Variants in ERCC6L2 observed in about 807,000 individuals in gnomAD.
ERCC6L2 encodes the protein ERCC excision repair 6 like 2, also known as DNA excision repair protein ERCC-6-like 2.
Under a neutral mutation model 132.0 loss-of-function variants are expected in ERCC6L2, and 77 were observed. The ratio of observed to expected loss-of-function variants is 0.58; its 90% CI spans 0.49 to 0.71. The LOEUF (loss-of-function observed/expected upper bound fraction) is 0.71. ERCC6L2 is among the 30% of genes least tolerant of loss of function. ERCC6L2 has a pLI of 0.00. For synonymous variants in ERCC6L2, 583 were observed against 632.4 expected, an observed-to-expected ratio of 0.92 and a Z score of 1.17; for missense variants, 1,542 against 1,837.6, an observed-to-expected ratio of 0.84 and a Z score of 2.94.
intron 4 of ERCC6L2, among the ~76,000 whole-genome samples, chr9:95,909,986 A>C (rs1292991662): frequency 3.3e-5 from 5 of 152,200 alleles, no homozygotes; most frequent in Non-Finnish European, 7.3e-5. Flanking sequence ...GATGTGTAGT[A>C]GTATCTTGTA....
At chr9:95,914,249 T>G (rs995979715) in intron 4 of ERCC6L2, among the ~76,000 whole-genome samples, 4 of 152,246 alleles carry the variant, frequency 2.6e-5, no homozygotes, top group Non-Finnish European at 5.9e-5. Flanking sequence ...ATGCTGAGAA[T>G]TTTTTAATGT....
At chr9:95,890,480 T>C (rs931134195) in intron 2 of ERCC6L2, among the ~76,000 whole-genome samples, 5 of 152,226 alleles carry the variant, frequency 3.3e-5, no homozygotes, top group Admixed American at 2.6e-4. Context: ...TGATAAGTCC[T>C]GCAAATTGAC....
intron 17 of ERCC6L2, among the ~76,000 whole-genome samples, chr9:95,980,706 G>A (rs1410535189): frequency 6.6e-6 from 1 of 152,078 alleles, no homozygotes; most frequent in Non-Finnish European, 1.5e-5. Flanking sequence ...GCAGTGGGTG[G>A]CAATAGTGAA....
At chr9:95,921,417 C>T (rs1426675732) in intron 7 of ERCC6L2, 102 bp downstream of exon 7, 5 of 907,062 alleles carry the variant, frequency 5.5e-6, no homozygotes, top group Non-Finnish European at 7.8e-6. Context: ...TTTCCTCAGA[C>T]AGTTCTTTAA....
Position 95,897,983 on chromosome 9 carries a change from A to G in ERCC6L2, c.594+12A>G, listed in dbSNP as rs756164459. On this transcript the variant is annotated intron_variant, in intron 3 of 18. Transcript: ENST00000653738. ...CTACAGCAAAAAAGGTAAAATCTCT[A>G]GACAATGTATATTCTACTCATGATG... 11 of 1,600,066 alleles carry G rather than the reference A, an allele frequency of 6.9e-6. No individual in the cohort carries two copies. Among genetic ancestry groups the G allele is most frequent in the Non-Finnish European group, 8.5e-6 (10 of 1,174,256 alleles).
At chr9:95,948,587 A>C (rs998890922) in intron 12 of ERCC6L2, among the ~76,000 whole-genome samples, 31 of 152,162 alleles carry the variant, frequency 2.0e-4, no homozygotes, top group Admixed American at 1.8e-3. Flanking sequence ...TGGAGGCTGC[A>C]GTTAGCCAAG....
intron 17 of ERCC6L2, among the ~76,000 whole-genome samples, chr9:95,998,340 T>C (rs1016891067): frequency 6.6e-6 from 1 of 152,194 alleles, no homozygotes; most frequent in Non-Finnish European, 1.5e-5. Context: ...TTAACTCATT[T>C]CTGGAACCTA....
chr9:96,020,935 C>A (rs748305235), downstream of ERCC6L2: 16 of 456,758 alleles, frequency 3.5e-5, no homozygotes, highest in African/African-American at 3.0e-4. Context: ...CCCTCCAAGA[C>A]GCGCGGGCCG....
intron 6 of ERCC6L2, chr9:95,918,559 C>T: frequency 2.3e-6 from 1 of 426,472 alleles, no homozygotes; most frequent in Non-Finnish European, 4.7e-6. Context: ...TACAGCTACT[C>T]TGAGAATTGT....
At chr9:95,923,128 G>A (rs1490519827) in intron 8 of ERCC6L2, 132 bp from the exon 9 acceptor site, 1 of 1,060,830 alleles carries the variant, frequency 9.4e-7, no homozygotes, top group African/African-American at 1.6e-5. Context: ...TTCTTAGTCT[G>A]ACTTAGGGAA....
intron 18 of ERCC6L2, among the ~76,000 whole-genome samples, chr9:96,005,656 A>C (rs1833840600): frequency 6.6e-6 from 1 of 151,828 alleles, no homozygotes; most frequent in African/African-American, 2.4e-5. Context: ...GAGTAGCATG[A>C]GATGGAGGGT....
chr9:95,977,557 C>G (rs1342537482), intron 16 of ERCC6L2, among the ~76,000 whole-genome samples: 1 of 152,128 alleles, frequency 6.6e-6, no homozygotes, highest in African/African-American at 2.4e-5. Context: ...AAGCTCTCAT[C>G]TTGACATTCT....
At chr9:95,994,410 C>T (rs895229991) in intron 17 of ERCC6L2, among the ~76,000 whole-genome samples, 1 of 152,202 alleles carries the variant, frequency 6.6e-6, no homozygotes, top group African/African-American at 2.4e-5. Context: ...ACTGACTTAT[C>T]AGGCCTAATC....
intron 19 of ERCC6L2, chr9:96,038,796 C>T (rs560152820): frequency 1.3e-5 from 6 of 452,052 alleles, no homozygotes; most frequent in East Asian, 7.0e-5. Flanking sequence ...CCCCTCATAC[C>T]GAATGGGGGC....
Position 95,916,268 on chromosome 9 carries a change from A to G in ERCC6L2, c.992A>G (p.Lys331Arg), listed in dbSNP as rs1308921955. ...TTAGGGAGTGGGACCTACTTCAAGA[A>G]GCAGTTTTCTGACCCAGTAGAACAT... is the stretch of plus-strand genomic sequence containing the variant. The part of the protein sequence containing the change: ...GLLGSGTYFK[K>R]QFSDPVEHGQ... The change falls in exon 6 of 19, where the codon AAG (lysine) becomes AGG (arginine). Residue 331 changes from lysine to arginine, a missense_variant. This residue lies in a region of ERCC6L2 where 945 missense variants were observed against 1,105.2 expected (regional missense o/e 0.86). Transcript: ENST00000653738. 4 of 1,614,142 alleles carry G rather than the reference A, an allele frequency of 2.5e-6. No individual in the cohort carries two copies. The highest frequency in any genetic ancestry group is 2.2e-5 in the South Asian group (2 of 91,078).
chr9:95,969,028 A>G (rs1212957137), intron 14 of ERCC6L2, among the ~76,000 whole-genome samples: 1 of 152,172 alleles, frequency 6.6e-6, no homozygotes, highest in Non-Finnish European at 1.5e-5. Flanking sequence ...GCTGCATTTG[A>G]GTATTCAAAG....
intron 18 of ERCC6L2, 110 bp downstream of exon 18, chr9:96,004,811 AT>A (rs1271974981): frequency 1.4e-6 from 1 of 693,402 alleles, no homozygotes; most frequent in Non-Finnish European, 2.1e-6. Context: ...ACATCTGAAT[AT>A]TTCAGAAAAA....
At chr9:96,021,056 G>A (rs376415210), downstream of ERCC6L2, 1 of 451,438 alleles carries the variant, frequency 2.2e-6, no homozygotes. The surrounding 1 kb of genome is among the most constrained non-coding windows in gnomAD (Gnocchi z 4.7). Flanking sequence ...CCCAGCTAGG[G>A]GGCACCGCCT....
intron 11 of ERCC6L2, among the ~76,000 whole-genome samples, chr9:95,934,360 A>G (rs1830468443): frequency 6.6e-6 from 1 of 152,062 alleles, no homozygotes; most frequent in Non-Finnish European, 1.5e-5. Context: ...AACATTATAT[A>G]CATTCAGTTT....
Sources: allele counts gnomAD v4.1 joint callset (sites outside exome capture counted in the v4.1 genomes callset), GRCh38; gene constraint gnomAD v4.1.1; regional missense constraint gnomAD v4.1.1; non-coding constraint Gnocchi (gnomAD v3.1); transcripts MANE v1.5; gene names NCBI Gene and HGNC (gene_info 2026-07-23, HGNC 2026-07-21).